SLC30A4: variants seen among roughly 807,000 people sequenced by gnomAD.
SLC30A4 encodes probable proton-coupled zinc antiporter SLC30A4.
Under a neutral mutation model 41.7 loss-of-function variants are expected in SLC30A4, and 20 were observed. The observed-to-expected ratio is 0.48, with a 90% CI of 0.34 to 0.70. The LOEUF is 0.70. Ranked by LOEUF, SLC30A4 falls within the 30% of genes least tolerant of loss-of-function variation. The probability of loss-of-function intolerance (pLI) is 0.01; values close to 1 mark genes in which losing one functional copy is unlikely to be tolerated. For synonymous variants in SLC30A4, 181 were observed against 195.9 expected (o/e 0.92, Z 0.64); for missense variants, 441 against 529.3 (o/e 0.83, Z 1.64).
intron 4 of SLC30A4, among the ~76,000 whole-genome samples, chr15:45,489,255 G>A (rs1891764276): frequency 6.6e-6 from 1 of 152,060 alleles, no homozygotes; most frequent in Non-Finnish European, 1.5e-5. Flanking sequence ...AGTAGAGAAG[G>A]CAGAGAAGCC....
chr15:45,490,631 A>C, intron 4 of SLC30A4, 97 bp downstream of exon 4: 1 of 734,896 alleles, frequency 1.4e-6, no homozygotes, highest in East Asian at 2.7e-5. Flanking sequence ...ATCATTTTTA[A>C]AATATCAAAA....
chr15:45,488,775 A>G (rs1334151562), intron 5 of SLC30A4, 66 bp downstream of exon 5: 10 of 1,295,776 alleles, frequency 7.7e-6, no homozygotes, highest in Middle Eastern at 3.7e-4. Context: ...TGATATGACA[A>G]TCAGCCTTAG....
rs557445364 is a variant in SLC30A4, at chr15:45,512,326, G to C, written c.392-1042C>G. On this transcript the variant is annotated intron_variant, in intron 2 of 7. Transcript: ENST00000261867. ...TTTCTGATTCGGTAGGTCTGGGATG[G>C]TGATGGGGATGGGACCTGAGAATGT... 14 of 152,334 alleles carry C rather than the reference G, an allele frequency of 9.2e-5. No individual in the cohort carries two copies. In the South Asian group the frequency reaches 2.9e-3, roughly 32 times the overall value. 9.4% of individuals were successfully genotyped at this position (152,334 alleles called of 1,614,324 possible).
At chr15:45,500,208 C>T (rs1272965925) in intron 3 of SLC30A4, among the ~76,000 whole-genome samples, 1 of 152,032 alleles carries the variant, frequency 6.6e-6, no homozygotes, top group African/African-American at 2.4e-5. Context: ...GATATACAGG[C>T]AGGTAGAAGA....
Position 45,490,732 on chromosome 15 carries a change from C to G in SLC30A4, c.688G>C (p.Val230Leu). 6.3e-7 allele frequency: 1 copy of G among 1,595,568 alleles called. No individual in the cohort carries two copies. Among genetic ancestry groups the G allele is most frequent in the Non-Finnish European group, 8.5e-7 (1 of 1,171,964 alleles). Residue 230 changes from valine (V) to leucine (L), a missense_variant, in exon 4 of 8, where the codon GTA (valine) becomes CTA (leucine). Around this residue, in one of 3 missense-constraint regions of SLC30A4, gnomAD observed 312 missense variants for 341.9 expected, o/e 0.91. Transcript: ENST00000261867. ...ITAAVGVAVN[V>L]IMGFLLNQSG... ...TGTGAAAAAAATAGAGCTTACATTA[C>G]ATTAACTGCAACTCCAACAGCTGCG...
intron 3 of SLC30A4, among the ~76,000 whole-genome samples, chr15:45,495,361 G>C (rs904331178): frequency 1.3e-5 from 2 of 152,154 alleles, no homozygotes. Flanking sequence ...ATTATGAATA[G>C]AGCCCCGTTT....
intron 3 of SLC30A4, among the ~76,000 whole-genome samples, chr15:45,493,757 G>A (rs1346066893): frequency 6.6e-6 from 1 of 152,074 alleles, no homozygotes. Context: ...ACCTGGGAGG[G>A]TGGAGATTGC....
At position 45,484,528 on chromosome 15, in the gene SLC30A4, G is replaced by A. The variant is rs1478368148; in HGVS notation, c.*635C>T. 1 of 152,140 alleles carries A rather than the reference G, an allele frequency of 6.6e-6. No individual in the cohort carries two copies. Among genetic ancestry groups the A allele is most frequent in the African/African-American group, 2.4e-5 (1 of 41,432 alleles). The allele number at this position is 152,140 out of a possible 1,614,324, so 9.4% of individuals were successfully genotyped here. ...TCTAAGATTACAAATAATGAAAAAT[G>A]TTAACTTTGAGATTCAAAACCCTGT... On this transcript the variant is annotated 3_prime_UTR_variant, in exon 8 of 8. Transcript: ENST00000261867.
chr15:45,506,747 T>A (rs1293005912), intron 3 of SLC30A4, among the ~76,000 whole-genome samples: 2 of 152,220 alleles, frequency 1.3e-5, no homozygotes, highest in Non-Finnish European at 2.9e-5. Flanking sequence ...GTGTGAAGCT[T>A]GAGTACCTTC....
intron 3 of SLC30A4, among the ~76,000 whole-genome samples, chr15:45,504,919 C>A (rs1892116498): frequency 6.6e-6 from 1 of 152,072 alleles, no homozygotes; most frequent in Non-Finnish European, 1.5e-5. Context: ...CTCATGGGTC[C>A]TTGTAAATAC....
rs1892698392 is a variant in SLC30A4 at position 45,522,308 on chromosome 15, T to C, written c.47A>G (p.Lys16Arg). The change falls in exon 2 of 8, where the codon AAG becomes AGG. Residue 16 changes from lysine to arginine, a missense_variant. Transcript: ENST00000261867. ...AWKRLKSMLRKDDAPLFLNDT... is the reference protein window; with the variant it reads ...AWKRLKSMLRRDDAPLFLNDT... The stretch of plus-strand genomic sequence containing the variant: ...ATTTAAAAACAGCGGCGCATCATCC[T>C]TCCTTAGCATAGATTTGAGGCGCTT... 1 of 1,613,840 alleles carries C rather than the reference T, an allele frequency of 6.2e-7. No homozygotes were observed. The highest frequency in any genetic ancestry group is 1.1e-5 in the South Asian group (1 of 91,074).
chr15:45,520,293 G>A (rs909795566), intron 2 of SLC30A4, among the ~76,000 whole-genome samples: 4 of 150,430 alleles, frequency 2.7e-5, no homozygotes, highest in African/African-American at 9.8e-5. Flanking sequence ...TTTTTGAGAC[G>A]GATTCTCACC....
chr15:45,484,369 C>T lies in SLC30A4; in HGVS notation c.*794G>A, dbSNP rs551762076. 6.6e-6 allele frequency: 1 copy of T among 152,176 alleles called. No homozygotes were observed. Among genetic ancestry groups the T allele is most frequent in the Non-Finnish European group, 1.5e-5 (1 of 68,038 alleles). 9.4% of individuals were successfully genotyped at this position (152,176 alleles called of 1,614,324 possible). A position where few individuals can be genotyped will look rare whatever the true frequency, so the allele number is the denominator to read the frequency against. On this transcript the variant is annotated 3_prime_UTR_variant, in exon 8 of 8. Transcript: ENST00000261867. The stretch of plus-strand genomic sequence containing the variant: ...ATAAACCTGAAACTCCAACCCCCAT[C>T]CTCGCTCTTTTATTTTGTTTTAAAT...
Position 45,482,619 on chromosome 15 carries a change from A to G in SLC30A4, c.*2544T>C, listed in dbSNP as rs996831186. The G allele has an allele frequency of 6.6e-6, 1 of 152,146 alleles. No homozygotes were observed. Among genetic ancestry groups the G allele is most frequent in the African/African-American group, 2.4e-5 (1 of 41,426 alleles). The allele number at this position is 152,146 out of a possible 1,614,324, so 9.4% of individuals were successfully genotyped here. On this transcript the variant is annotated 3_prime_UTR_variant, in exon 8 of 8. Coordinates refer to ENST00000261867, the MANE Select transcript of SLC30A4 (RefSeq NM_013309.6). ...TTTCCTTTCTACTTGCTAGATACTC[A>G]AAGTCCATAAATATGTCCAGATGTC...
At chr15:45,520,374 A>T (rs1037518885) in intron 2 of SLC30A4, among the ~76,000 whole-genome samples, 1 of 151,754 alleles carries the variant, frequency 6.6e-6, no homozygotes, top group African/African-American at 2.4e-5. Flanking sequence ...GGTTCAAGCG[A>T]TTCTCCTGCT....
chr15:45,512,885 TG>T (rs1206940802), intron 2 of SLC30A4, among the ~76,000 whole-genome samples: 1 of 152,072 alleles, frequency 6.6e-6, no homozygotes, highest in African/African-American at 2.4e-5. Flanking sequence ...ACCAGCTGTT[TG>T]GGAGGCCGAG....
intron 3 of SLC30A4, among the ~76,000 whole-genome samples, chr15:45,506,907 G>A (rs1253115989): frequency 6.6e-6 from 1 of 152,286 alleles, no homozygotes; most frequent in Admixed American, 6.5e-5. Flanking sequence ...ACATGTACAA[G>A]GTTGTGCAGC....
chr15:45,490,713 A>C lies in SLC30A4; in HGVS notation c.692+15T>G, dbSNP rs1262431543. On this transcript the variant is annotated intron_variant, in intron 4 of 7. Transcript: ENST00000261867. ...CAGTACTTGAAAATATTAATGTGAA[A>C]AAAATAGAGCTTACATTACATTAAC... 1 of 1,571,158 alleles carries C rather than the reference A, an allele frequency of 6.4e-7. No individual in the cohort carries two copies. Among genetic ancestry groups the C allele is most frequent in the Non-Finnish European group, 8.6e-7 (1 of 1,158,132 alleles).
chr15:45,484,899 T>A lies in SLC30A4; in HGVS notation c.*264A>T, dbSNP rs1891668073. 2.7e-6 allele frequency: 1 copy of A among 373,784 alleles called. No homozygotes were observed. Among genetic ancestry groups the A allele is most frequent in the Non-Finnish European group, 4.8e-6 (1 of 210,060 alleles). 23.2% of individuals were successfully genotyped at this position (373,784 alleles called of 1,614,324 possible). ...AAGTTAATGAAGTATGATCTTGGAT[T>A]GTCTTCTATGAGGTATCTGTAGAGT... On this transcript the variant is annotated 3_prime_UTR_variant, in exon 8 of 8. Transcript: ENST00000261867.
Sources: allele counts gnomAD v4.1 joint callset (sites outside exome capture counted in the v4.1 genomes callset), GRCh38; gene constraint gnomAD v4.1.1; regional missense constraint gnomAD v4.1.1; transcripts MANE v1.5; gene names NCBI Gene and HGNC (gene_info 2026-07-23, HGNC 2026-07-21).